Variants in GABBR2 observed in about 807,000 individuals in gnomAD.
The protein encoded by GABBR2 is G-protein coupled receptor 51.
In GABBR2, 23 loss-of-function variants were observed where a neutral mutation model predicts 105.6. That is an observed-to-expected ratio of 0.22 (90% CI 0.16 to 0.31). GABBR2 has a LOEUF of 0.31. Ranked by LOEUF, GABBR2 falls within the 10% of genes least tolerant of loss-of-function variation. The pLI, the probability that GABBR2 is intolerant of heterozygous loss-of-function variation, is 1.00. For synonymous variants in GABBR2, 478 were observed against 499.7 expected, an observed-to-expected ratio of 0.96 and a Z score of 0.58; for missense variants, 734 against 1,245.5, an observed-to-expected ratio of 0.59 and a Z score of 6.18.
intron 14 of GABBR2, among the ~76,000 whole-genome samples, chr9:98,308,847 G>T (rs1396029001): frequency 1.3e-5 from 2 of 152,232 alleles, no homozygotes; most frequent in Non-Finnish European, 2.9e-5. Context: ...GTGGTAATTT[G>T]TTATGACAGC....
chr9:98,367,382 C>T (rs1170709872), intron 12 of GABBR2, among the ~76,000 whole-genome samples: 2 of 149,194 alleles, frequency 1.3e-5, no homozygotes, highest in East Asian at 3.9e-4. Context: ...CACCAAAGGA[C>T]AAATATTGTA....
intron 1 of GABBR2, among the ~76,000 whole-genome samples, chr9:98,624,980 C>A (rs911986297): frequency 1.1e-4 from 16 of 152,198 alleles, no homozygotes; most frequent in Middle Eastern, 3.2e-3. Flanking sequence ...CCATCACCTG[C>A]CCTGGTGTTA....
At chr9:98,653,400 C>G (rs1212611904) in intron 1 of GABBR2, among the ~76,000 whole-genome samples, 2 of 152,130 alleles carry the variant, frequency 1.3e-5, no homozygotes, top group African/African-American at 4.8e-5. Flanking sequence ...TAAAAAGAAA[C>G]TTTTAAAATA....
chr9:98,669,094 C>A (rs1207461157), intron 1 of GABBR2, among the ~76,000 whole-genome samples: 1 of 151,966 alleles, frequency 6.6e-6, no homozygotes, highest in African/African-American at 2.4e-5. Flanking sequence ...AATGGTAATT[C>A]TATGTTTAAT....
At chr9:98,648,082 T>TGTGG (rs1307627245) in intron 1 of GABBR2, among the ~76,000 whole-genome samples, 2 of 71,740 alleles carry the variant, frequency 2.8e-5, no homozygotes, top group East Asian at 3.7e-4. Context: ...TCATACAGGG[T>TGTGG]GTGTGTGTGT....
intron 4 of GABBR2, among the ~76,000 whole-genome samples, chr9:98,485,124 G>T (rs971254156): frequency 1.3e-5 from 2 of 152,196 alleles, no homozygotes; most frequent in Non-Finnish European, 2.9e-5. Context: ...CAGGGACTTG[G>T]CTCTGCAGGG....
At chr9:98,331,396 CTTTTTTTTTT>C (rs142735341) in intron 13 of GABBR2, among the ~76,000 whole-genome samples, 1 of 76,028 alleles carries the variant, frequency 1.3e-5, no homozygotes, top group African/African-American at 5.5e-5. Context: ...AGTCCCTCTT[CTTTTTTTTTT>C]TTTTTTTTTT....
At chr9:98,606,948 CCCGCGGCTCCGCCTGCATCCAAA>C in intron 1 of GABBR2, 1 of 717,650 alleles carries the variant, frequency 1.4e-6, no homozygotes, top group Non-Finnish European at 2.5e-6. Context: ...TTCCTGCTTG[CCCGCGGCTCCGCCTGCATCCAAA>C]CCGCTGCTCG....
chr9:98,451,658 T>C (rs1276801814), intron 7 of GABBR2, among the ~76,000 whole-genome samples: 1 of 152,124 alleles, frequency 6.6e-6, no homozygotes, highest in East Asian at 1.9e-4. Flanking sequence ...GGCCTGGGAA[T>C]GTGCATCTCT....
At chr9:98,673,429 A>C (rs1335732085) in intron 1 of GABBR2, among the ~76,000 whole-genome samples, 1 of 152,210 alleles carries the variant, frequency 6.6e-6, no homozygotes, top group Non-Finnish European at 1.5e-5. Flanking sequence ...TCATCAATAA[A>C]AGACTGAATT....
intron 7 of GABBR2, among the ~76,000 whole-genome samples, chr9:98,410,441 T>G (rs1832566664): frequency 6.6e-6 from 1 of 151,786 alleles, no homozygotes; most frequent in African/African-American, 2.4e-5. Flanking sequence ...TGCCAGCTGG[T>G]TTCCATTTAG....
intron 3 of GABBR2, among the ~76,000 whole-genome samples, chr9:98,540,983 T>C (rs548779027): frequency 6.6e-6 from 1 of 152,336 alleles, no homozygotes; most frequent in African/African-American, 2.4e-5. Flanking sequence ...CCTTCTCAAA[T>C]TTTTAAATGG....
intron 13 of GABBR2, among the ~76,000 whole-genome samples, chr9:98,338,711 T>C (rs1399733892): frequency 1.3e-5 from 2 of 152,138 alleles, no homozygotes; most frequent in Middle Eastern, 3.2e-3. Flanking sequence ...CTGTGAAAAA[T>C]TGGCCGTTCC....
At chr9:98,415,573 CA>C (rs1832675829) in intron 7 of GABBR2, among the ~76,000 whole-genome samples, 1 of 152,172 alleles carries the variant, frequency 6.6e-6, no homozygotes, top group Non-Finnish European at 1.5e-5. Context: ...CTTCCCTCGG[CA>C]AAACGTGCAG....
At position 98,309,994 on chromosome 9, in the gene GABBR2, T is replaced by G. The variant is rs148287901; in HGVS notation, c.2004+1101A>C. ...CAAGAGATTCCAGTTTATTTGACTTTTGGAGAGAGGGCTTCATTTTTGGCC... is the reference window on the plus strand; with the variant it reads ...CAAGAGATTCCAGTTTATTTGACTTGTGGAGAGAGGGCTTCATTTTTGGCC... On this transcript the variant is annotated intron_variant, in intron 14 of 18. Coordinates refer to ENST00000259455, the MANE Select transcript of GABBR2 (RefSeq NM_005458.8). Among the ~76,000 whole-genome samples the G allele has an allele frequency of 4.4e-3, 671 of 152,248 alleles. 5 individuals carry two copies. Among genetic ancestry groups the G allele is most frequent in the South Asian group, 6.4e-3 (31 of 4,818 alleles).
intron 7 of GABBR2, among the ~76,000 whole-genome samples, chr9:98,414,038 C>T (rs1368844191): frequency 6.6e-6 from 1 of 152,178 alleles, no homozygotes; most frequent in East Asian, 1.9e-4. Flanking sequence ...AGACAGGCAC[C>T]AGATCAAACA....
chr9:98,473,842 C>G (rs1243699980), intron 5 of GABBR2, among the ~76,000 whole-genome samples: 1 of 152,124 alleles, frequency 6.6e-6, no homozygotes, highest in Non-Finnish European at 1.5e-5. Flanking sequence ...AGTTTAGTAT[C>G]AACACAACTT....
At chr9:98,568,064 G>A (rs940823453) in intron 2 of GABBR2, among the ~76,000 whole-genome samples, 4 of 152,166 alleles carry the variant, frequency 2.6e-5, no homozygotes, top group South Asian at 2.1e-4. Flanking sequence ...CCTGAAGATC[G>A]GAGGGTGCTG....
At chr9:98,691,044 A>G (rs775686570) in intron 1 of GABBR2, among the ~76,000 whole-genome samples, 5 of 152,222 alleles carry the variant, frequency 3.3e-5, no homozygotes, top group Non-Finnish European at 7.3e-5. Context: ...TGCATCTATT[A>G]TGTCCACCTA....
Sources: allele counts gnomAD v4.1 joint callset (sites outside exome capture counted in the v4.1 genomes callset), GRCh38; gene constraint gnomAD v4.1.1; transcripts MANE v1.5; gene names NCBI Gene and HGNC (gene_info 2026-07-23, HGNC 2026-07-21).